CDH4: variants seen among roughly 807,000 people sequenced by gnomAD.
CDH4 encodes cadherin 4, also known as cadherin-4.
Under a neutral mutation model 86.0 loss-of-function variants are expected in CDH4, and 33 were observed. The observed-to-expected ratio is 0.38, with a 90% CI of 0.29 to 0.51. The LOEUF is 0.51. CDH4 is among the 20% of genes least tolerant of loss of function. The probability of loss-of-function intolerance (pLI) is 0.86; values close to 1 mark genes in which losing one functional copy is unlikely to be tolerated. For synonymous variants in CDH4, 555 were observed against 549.4 expected, an observed-to-expected ratio of 1.01 and a Z score of -0.14; for missense variants, 1,114 against 1,307.4, an observed-to-expected ratio of 0.85 and a Z score of 2.28.
intron 2 of CDH4, among the ~76,000 whole-genome samples, chr20:61,717,133 C>T (rs567753891): frequency 6.6e-6 from 1 of 152,312 alleles, no homozygotes; most frequent in African/African-American, 2.4e-5. Context: ...GCAGGAGCAG[C>T]TCCTCCTGCT....
chr20:61,401,391 C>CG (rs2085048699), intron 2 of CDH4, among the ~76,000 whole-genome samples: 1 of 98,882 alleles, frequency 1.0e-5, no homozygotes, highest in Non-Finnish European at 1.9e-5. Context: ...ATTTTTTTGT[C>CG]AGACAAAAAG....
chr20:61,628,009 G>A lies in CDH4; in HGVS notation c.170-115554G>A, dbSNP rs555845184. On this transcript the variant is annotated intron_variant, in intron 2 of 15. Coordinates refer to ENST00000614565, the MANE Select transcript of CDH4 (RefSeq NM_001794.5). ...CCTCCTCACACAGCACAAAGCCAACGTGCCCCACCAGGAATTCCCACCTCA... is the reference window on the plus strand; with the variant it reads ...CCTCCTCACACAGCACAAAGCCAACATGCCCCACCAGGAATTCCCACCTCA... Among the ~76,000 whole-genome samples, 20 of 152,100 alleles carry A rather than the reference G, an allele frequency of 1.3e-4. No individual in the cohort carries two copies. The South Asian group carries it at 2.1e-3, about 16-fold the overall frequency.
intron 2 of CDH4, among the ~76,000 whole-genome samples, chr20:61,665,207 C>T (rs941773790): frequency 1.3e-5 from 2 of 152,330 alleles, no homozygotes; most frequent in Non-Finnish European, 2.9e-5. Context: ...ACATCACAGA[C>T]GGGAAGGCGA....
At chr20:61,659,394 C>G (rs191900874) in intron 2 of CDH4, among the ~76,000 whole-genome samples, 315 of 152,232 alleles carry the variant, frequency 2.1e-3, no homozygotes, top group African/African-American at 7.1e-3. Context: ...AAACAAAGAA[C>G]AAGTGCAGGG....
At chr20:61,727,335 C>T (rs1032607570) in intron 2 of CDH4, among the ~76,000 whole-genome samples, 5 of 152,106 alleles carry the variant, frequency 3.3e-5, no homozygotes, top group East Asian at 1.9e-4. Flanking sequence ...GTGCCATCAT[C>T]GGTGCCTTCA....
intron 7 of CDH4, among the ~76,000 whole-genome samples, chr20:61,894,086 CT>C: frequency 6.6e-6 from 1 of 152,158 alleles, no homozygotes; most frequent in Middle Eastern, 3.2e-3. Flanking sequence ...TCCCCCTCCC[CT>C]AATGGTACTG....
intron 3 of CDH4, 71 bp from the exon 4 acceptor site, chr20:61,772,932 C>A: frequency 7.3e-7 from 1 of 1,378,182 alleles, no homozygotes; most frequent in Non-Finnish European, 1.0e-6. Context: ...ATCATCTTAG[C>A]AGATGCCATT....
At chr20:61,400,936 T>G (rs897437506) in intron 2 of CDH4, among the ~76,000 whole-genome samples, 16 of 152,368 alleles carry the variant, frequency 1.1e-4, no homozygotes, top group Middle Eastern at 6.8e-3. Context: ...AGTCATTCTT[T>G]CTCTGTATTC....
At chr20:61,450,743 G>A (rs1418690054) in intron 2 of CDH4, among the ~76,000 whole-genome samples, 1 of 151,578 alleles carries the variant, frequency 6.6e-6, no homozygotes, top group Non-Finnish European at 1.5e-5. Flanking sequence ...AAACTGCTCG[G>A]TGGCCACTGT....
At chr20:61,566,382 A>C (rs1034302149) in intron 2 of CDH4, among the ~76,000 whole-genome samples, 3 of 152,216 alleles carry the variant, frequency 2.0e-5, no homozygotes, top group Non-Finnish European at 4.4e-5. Context: ...TTCTCTACCA[A>C]GGATGAAGAG....
chr20:61,614,734 AG>A (rs1257874607), intron 2 of CDH4, among the ~76,000 whole-genome samples: 1 of 152,142 alleles, frequency 6.6e-6, no homozygotes, highest in Non-Finnish European at 1.5e-5. Context: ...TTGTTTTTGT[AG>A]GTGGCCAGAG....
rs550362323 is a variant in CDH4, at chr20:61,850,868, G to A, written c.733-1886G>A. Reference sequence around the variant, plus strand: ...TTGAATCTTTTGGGGGTGAGGCAGGGAGTGGGACAAGGAGGACACAGGCCA... The same window carrying A: ...TTGAATCTTTTGGGGGTGAGGCAGGAAGTGGGACAAGGAGGACACAGGCCA... On this transcript the variant is annotated intron_variant, in intron 5 of 15. Transcript: ENST00000614565. Among the ~76,000 whole-genome samples, 112 of 152,364 alleles carry A rather than the reference G, an allele frequency of 7.4e-4. 1 individual carries two copies. The highest frequency in any genetic ancestry group is 2.5e-3 in the African/African-American group (104 of 41,586).
At chr20:61,839,908 T>C (rs1982081779) in intron 4 of CDH4, among the ~76,000 whole-genome samples, 1 of 151,660 alleles carries the variant, frequency 6.6e-6, no homozygotes, top group African/African-American at 2.4e-5. Context: ...GTACTGTGTG[T>C]GTGTGTGTGT....
chr20:61,827,879 C>T (rs1981396867), intron 4 of CDH4, among the ~76,000 whole-genome samples: 1 of 152,136 alleles, frequency 6.6e-6, no homozygotes, highest in African/African-American at 2.4e-5. Context: ...GTAGCAATTG[C>T]AACAGATGGA....
rs1410673793 is a variant in CDH4 at position 61,518,743 on chromosome 20, ATCCATCCATTCG to A, written c.170-224818_170-224807del. On this transcript the variant is annotated intron_variant, in intron 2 of 15. Transcript: ENST00000614565. The surrounding 1 kb of genome is among the most constrained non-coding windows in gnomAD (Gnocchi z 6.3). ...CCGTTCATCCACCCATCATCCATTCATCCATCCATTCGTACATCCACCCATCATCCATCCTTT... is the reference window on the plus strand; with the variant it reads ...CCGTTCATCCACCCATCATCCATTCATACATCCACCCATCATCCATCCTTT... 3.3e-5 allele frequency among the ~76,000 whole-genome samples: 5 copies of A among 149,846 alleles called. No individual in the cohort carries two copies. The highest frequency in any genetic ancestry group is 9.9e-5 in the African/African-American group (4 of 40,484).
chr20:61,704,713 G>A (rs982637541), intron 2 of CDH4, among the ~76,000 whole-genome samples: 3 of 152,148 alleles, frequency 2.0e-5, no homozygotes, highest in South Asian at 2.1e-4. Flanking sequence ...TAATCTCTAC[G>A]GTGTCAGCCG....
chr20:61,539,742 C>G (rs1227980281), intron 2 of CDH4, among the ~76,000 whole-genome samples: 1 of 152,228 alleles, frequency 6.6e-6, no homozygotes, highest in Non-Finnish European at 1.5e-5. Context: ...GTGTCCCCCC[C>G]AAGCCCTGCT....
intron 2 of CDH4, among the ~76,000 whole-genome samples, chr20:61,720,677 A>G (rs973306688): frequency 6.6e-6 from 1 of 151,770 alleles, no homozygotes; most frequent in African/African-American, 2.4e-5. Flanking sequence ...ATTTGCTTGC[A>G]TGCTTTTCTC....
chr20:61,793,837 TAA>T (rs377261591), intron 4 of CDH4, among the ~76,000 whole-genome samples: 88 of 103,966 alleles, frequency 8.5e-4, no homozygotes, highest in Admixed American at 1.1e-3. Flanking sequence ...AGACTGCATT[TAA>T]AAAAAAAAAA....
Sources: gnomAD v4.1 joint callset for allele counts (sites outside exome capture counted in the v4.1 genomes callset) on GRCh38, gnomAD v4.1.1 for gene constraint, Gnocchi (gnomAD v3.1) non-coding constraint, MANE v1.5 for transcripts, NCBI Gene and HGNC (gene_info 2026-07-23, HGNC 2026-07-21) for gene names.